Variants in NDST3 observed in about 807,000 individuals in gnomAD.
NDST3 encodes bifunctional heparan sulfate N-deacetylase/N-sulfotransferase 3.
In NDST3, 58 loss-of-function variants were observed where a neutral mutation model predicts 96.1. The ratio of observed to expected loss-of-function variants is 0.60; its 90% CI spans 0.49 to 0.75. The LOEUF is 0.75. NDST3 is among the 30% of genes least tolerant of loss of function. The pLI, the probability that NDST3 is intolerant of heterozygous loss-of-function variation, is 0.00. For missense variants in NDST3, 788 were observed against 1,034.2 expected, an observed-to-expected ratio of 0.76 and a Z score of 3.27; for synonymous variants, 333 against 359.7, an observed-to-expected ratio of 0.93 and a Z score of 0.84.
At chr4:118,216,918 C>G (rs1166753513) in intron 6 of NDST3, among the ~76,000 whole-genome samples, 1 of 152,064 alleles carries the variant, frequency 6.6e-6, no homozygotes, top group African/African-American at 2.4e-5. Context: ...ATATTACAGA[C>G]AGTTCAGAGA....
chr4:118,213,328 A>G (rs187135219), intron 6 of NDST3, among the ~76,000 whole-genome samples: 7 of 152,294 alleles, frequency 4.6e-5, no homozygotes, highest in Admixed American at 1.3e-4. Flanking sequence ...TGCTGAACCC[A>G]AGACAGGTGG....
intron 1 of NDST3, among the ~76,000 whole-genome samples, chr4:118,051,703 T>C (rs1274303219): frequency 2.6e-5 from 4 of 152,048 alleles, no homozygotes; most frequent in Non-Finnish European, 1.5e-5. Flanking sequence ...TATGATTCTA[T>C]ACCTAGAAAA....
chr4:118,197,337 GTAAC>G (rs933924643), intron 6 of NDST3, among the ~76,000 whole-genome samples: 47 of 108,978 alleles, frequency 4.3e-4, no homozygotes, highest in African/African-American at 1.6e-3. Flanking sequence ...GAAATGTTCT[GTAAC>G]TATCTATTAG....
At chr4:118,255,445 C>A in intron 13 of NDST3, 148 bp from the exon 14 acceptor site, 1 of 828,198 alleles carries the variant, frequency 1.2e-6, no homozygotes, top group Non-Finnish European at 1.8e-6. Context: ...AGTAAAATAT[C>A]ATAGCATGTG....
rs1472724758 is a variant in NDST3 at position 118,257,118 on chromosome 4, T to C, written c.*1406T>C. ...AAAGAAAAGAATACATCATACTTAT[T>C]TTCCTGTTAATATTTACTTAATTTT... On this transcript the variant is annotated 3_prime_UTR_variant, in exon 14 of 14. Transcript: ENST00000296499. 1 of 151,964 alleles carries C rather than the reference T, an allele frequency of 6.6e-6. No individual in the cohort carries two copies. The highest frequency in any genetic ancestry group is 2.4e-5 in the African/African-American group (1 of 41,300). 9.4% of individuals were successfully genotyped at this position (151,964 alleles called of 1,614,324 possible). A position where few individuals can be genotyped will look rare whatever the true frequency, so the allele number is the denominator to read the frequency against.
chr4:118,178,560 A>G (rs532706675), intron 6 of NDST3, among the ~76,000 whole-genome samples: 1 of 152,152 alleles, frequency 6.6e-6, no homozygotes, highest in South Asian at 2.1e-4. Flanking sequence ...TATATATCAC[A>G]TTTGGTGTAT....
intron 12 of NDST3, among the ~76,000 whole-genome samples, chr4:118,250,814 TA>T (rs1255391144): frequency 1.3e-4 from 20 of 152,114 alleles, no homozygotes; most frequent in African/African-American, 4.6e-4. Flanking sequence ...TTTTTATTGA[TA>T]TTTTTATCTT....
At chr4:118,153,488 C>G (rs540020272) in intron 6 of NDST3, among the ~76,000 whole-genome samples, 2 of 151,998 alleles carry the variant, frequency 1.3e-5, no homozygotes, top group African/African-American at 4.8e-5. Flanking sequence ...TAATAAAATA[C>G]GCTATATAAT....
At chr4:118,079,885 A>C (rs1015775779) in intron 2 of NDST3, among the ~76,000 whole-genome samples, 5 of 152,288 alleles carry the variant, frequency 3.3e-5, no homozygotes, top group Admixed American at 6.5e-5. Flanking sequence ...GAACTTGCTC[A>C]TAGATGGTAT....
intron 12 of NDST3, among the ~76,000 whole-genome samples, chr4:118,251,579 A>G (rs921082787): frequency 7.2e-5 from 11 of 152,080 alleles, no homozygotes; most frequent in African/African-American, 2.4e-4. Flanking sequence ...CTTGGCAGCC[A>G]TTTTTTGAAA....
intron 2 of NDST3, among the ~76,000 whole-genome samples, chr4:118,057,268 TAAGAGGATCATAG>T (rs1725504481): frequency 6.6e-6 from 1 of 151,992 alleles, no homozygotes; most frequent in African/African-American, 2.4e-5. Flanking sequence ...CAACAGTAAG[TAAGAGGATCATAG>T]TGAAGATCAT....
intron 6 of NDST3, among the ~76,000 whole-genome samples, chr4:118,180,827 G>A (rs1014584621): frequency 2.0e-5 from 3 of 152,030 alleles, no homozygotes; most frequent in Non-Finnish European, 2.9e-5. Context: ...TATCTCCTAA[G>A]TGCCCTCACC....
chr4:118,253,385 C>G, intron 12 of NDST3, 114 bp from the exon 13 acceptor site: 1 of 581,284 alleles, frequency 1.7e-6, no homozygotes, highest in Admixed American at 3.0e-5. Flanking sequence ...GATTGTTATC[C>G]AAATAAAATA....
intron 2 of NDST3, among the ~76,000 whole-genome samples, chr4:118,088,814 T>C (rs930066388): frequency 2.0e-5 from 3 of 151,984 alleles, no homozygotes; most frequent in Non-Finnish European, 4.4e-5. Flanking sequence ...CAGTTATGCC[T>C]TGGTTGAGAA....
chr4:118,041,755 T>G (rs1469497666), intron 1 of NDST3, among the ~76,000 whole-genome samples: 1 of 152,232 alleles, frequency 6.6e-6, no homozygotes, highest in East Asian at 1.9e-4. Context: ...TATTCATCAC[T>G]ATACTGAAAT....
intron 6 of NDST3, among the ~76,000 whole-genome samples, chr4:118,223,041 G>C (rs1270701486): frequency 1.3e-5 from 2 of 151,888 alleles, no homozygotes; most frequent in South Asian, 4.2e-4. Context: ...TACTAACCAG[G>C]TTAAAAATAC....
At chr4:118,196,416 G>T (rs1260760543) in intron 6 of NDST3, among the ~76,000 whole-genome samples, 2 of 152,078 alleles carry the variant, frequency 1.3e-5, no homozygotes. Context: ...GTTTCAGTAG[G>T]ATTGCTATTA....
chr4:118,166,114 A>G (rs1735531594), intron 6 of NDST3, among the ~76,000 whole-genome samples: 3 of 151,840 alleles, frequency 2.0e-5, no homozygotes, highest in African/African-American at 7.2e-5. Flanking sequence ...AAGAGAAAAA[A>G]TCAATGAAAT....
At chr4:118,083,151 C>A (rs1728152720) in intron 2 of NDST3, among the ~76,000 whole-genome samples, 1 of 152,104 alleles carries the variant, frequency 6.6e-6, no homozygotes, top group Admixed American at 6.5e-5. Flanking sequence ...ACCACTGATG[C>A]TTTTTCTTCA....
Sources: gnomAD v4.1 joint callset for allele counts (sites outside exome capture counted in the v4.1 genomes callset) on GRCh38, gnomAD v4.1.1 for gene constraint, MANE v1.5 for transcripts, NCBI Gene and HGNC (gene_info 2026-07-23, HGNC 2026-07-21) for gene names.